Variants in AAGAB observed in about 807,000 individuals in gnomAD.
AAGAB encodes the protein alpha and gamma adaptin binding protein.
Under a neutral mutation model 44.1 loss-of-function variants are expected in AAGAB, and 38 were observed. The ratio of observed to expected loss-of-function variants is 0.86; its 90% CI spans 0.67 to 1.13. The LOEUF (loss-of-function observed/expected upper bound fraction) is 1.13. AAGAB is among the 50% of genes most tolerant of loss of function. The pLI, the probability that AAGAB is intolerant of heterozygous loss-of-function variation, is 0.00. For synonymous variants in AAGAB, 131 were observed against 131.8 expected (o/e 0.99, Z 0.04); for missense variants, 450 against 373.8 (o/e 1.20, Z -1.68).
chr15:67,249,914 G>A (rs1252341605), intron 1 of AAGAB, among the ~76,000 whole-genome samples: 1 of 152,188 alleles, frequency 6.6e-6, no homozygotes, highest in Non-Finnish European at 1.5e-5. Context: ...TTTGGGAAGA[G>A]TACAGATATA....
At position 67,202,867 on chromosome 15, in the gene AAGAB, C is replaced by G; in HGVS notation, c.902G>C (p.Gly301Ala). 6.2e-7 allele frequency: 1 copy of G among 1,614,054 alleles called. No homozygotes were observed. The highest frequency in any genetic ancestry group is 8.5e-7 in the Non-Finnish European group (1 of 1,179,952). The change falls in exon 10 of 10, where the codon GGA (glycine) becomes GCA (alanine). Residue 301 changes from glycine to alanine, a missense_variant. Transcript: ENST00000261880. The part of the protein sequence containing the change: ...VAKAFWMAIG[G>A]DRDEIEGLSS... ...AAGGCCTTCAATTTCATCTCTGTCT[C>G]CCCCGATTGCCATCCAGAATGCTTT...
intron 5 of AAGAB, among the ~76,000 whole-genome samples, chr15:67,218,456 A>C (rs961311254): frequency 7.9e-5 from 12 of 152,198 alleles, no homozygotes; most frequent in African/African-American, 2.9e-4. Context: ...ACAAACAAAC[A>C]AACAAACAAA....
In AAGAB at chr15:67,204,146, G is replaced by C; in HGVS notation, c.718C>G (p.Pro240Ala). Residue 240 changes from proline to alanine, a missense_variant and splice_region_variant, in exon 8 of 10, where the codon CCC (proline) becomes GCC (alanine). Transcript: ENST00000261880. ...TCTTGAATATCCAGATCTAACATGGGATCTGAAATAGGGATTTGTCACATT... is the reference window on the plus strand; with the variant it reads ...TCTTGAATATCCAGATCTAACATGGCATCTGAAATAGGGATTTGTCACATT... ...TDAQVDSIVD[P>A]MLDLDIQELA... The C allele has an allele frequency of 6.3e-7, 1 of 1,591,394 alleles. No homozygotes were observed. Among genetic ancestry groups the C allele is most frequent in the East Asian group, 2.2e-5 (1 of 44,764 alleles).
Position 67,254,649 on chromosome 15 carries a change from G to T in AAGAB, c.-18C>A, listed in dbSNP as rs778385934. On this transcript the variant is annotated 5_prime_UTR_variant, in exon 1 of 10. Transcript: ENST00000261880. ...GCAGCCATAGCTGCGCTCGCGAGCC[G>T]GTTCCGTCAGGCAGCCGCTTCCGCC... The T allele has an allele frequency of 3.1e-6, 5 of 1,598,896 alleles. No homozygotes were observed. Among genetic ancestry groups the T allele is most frequent in the East Asian group, 4.5e-5 (2 of 44,312 alleles).
intron 5 of AAGAB, chr15:67,220,437 C>G (rs988190672): frequency 1.3e-5 from 2 of 152,220 alleles, no homozygotes; most frequent in African/African-American, 4.8e-5. Flanking sequence ...AAACATATAA[C>G]AGTCTTAATC....
chr15:67,203,408 T>C, intron 9 of AAGAB, 140 bp downstream of exon 9: 1 of 760,002 alleles, frequency 1.3e-6, no homozygotes, highest in South Asian at 2.0e-5. Flanking sequence ...ACTGTATAAA[T>C]ATTTAATTAG....
chr15:67,218,143 G>C (rs1226407616), intron 5 of AAGAB, among the ~76,000 whole-genome samples: 1 of 152,152 alleles, frequency 6.6e-6, no homozygotes, highest in Non-Finnish European at 1.5e-5. Context: ...TTACCACTGG[G>C]GGATCAAAGT....
chr15:67,254,587 G>A lies in AAGAB; in HGVS notation c.45C>T (p.Ser15=), dbSNP rs777168127. 6 of 1,610,018 alleles carry A rather than the reference G, an allele frequency of 3.7e-6. No individual in the cohort carries two copies. The highest frequency in any genetic ancestry group is 1.7e-5 in the Admixed American group (1 of 59,772). ...VPCALVTSCS[S]VFSGDQLVQH... Reference sequence around the variant, plus strand: ...GGACCAGCTGGTCTCCTGAGAAGACGGAGGAGCAGCTGGTGACTAACGCAC... The same window carrying A: ...GGACCAGCTGGTCTCCTGAGAAGACAGAGGAGCAGCTGGTGACTAACGCAC... The change falls in exon 1 of 10, where the codon TCC becomes TCT. Residue 15 remains serine, a synonymous_variant. Transcript: ENST00000261880.
At chr15:67,246,927 C>T (rs561959909) in intron 1 of AAGAB, among the ~76,000 whole-genome samples, 109 of 152,310 alleles carry the variant, frequency 7.2e-4, no homozygotes, top group African/African-American at 2.5e-3. Context: ...GCAACCCGTT[C>T]GGGTCCCCTT....
intron 7 of AAGAB, among the ~76,000 whole-genome samples, chr15:67,205,893 A>T (rs1212961455): frequency 2.2e-5 from 1 of 46,344 alleles, no homozygotes; most frequent in Non-Finnish European, 6.5e-5. Context: ...ATTTACTCTT[A>T]AAAAAAAACT....
chr15:67,232,576 T>C (rs1964366077), intron 4 of AAGAB: 1 of 416,572 alleles, frequency 2.4e-6, no homozygotes, highest in Non-Finnish European at 4.9e-6. Flanking sequence ...CGGGAAAAAG[T>C]AGCCAAAATG....
chr15:67,250,246 G>A lies in AAGAB; in HGVS notation c.73+4313C>T, dbSNP rs1482087771. Among the ~76,000 whole-genome samples the A allele has an allele frequency of 2.6e-5, 4 of 151,960 alleles. No homozygotes were observed. In the East Asian group the frequency reaches 5.8e-4, roughly 22 times the overall value. ...GGGTGGTGTGCAGTGGCATGATCTC[G>A]GCTCACTGCAACCTCTGCCTGCTGG... On this transcript the variant is annotated intron_variant, in intron 1 of 9. Coordinates refer to ENST00000261880, the MANE Select transcript of AAGAB (RefSeq NM_024666.5).
At chr15:67,246,896 T>C (rs1964739055) in intron 1 of AAGAB, among the ~76,000 whole-genome samples, 1 of 152,252 alleles carries the variant, frequency 6.6e-6, no homozygotes, top group East Asian at 1.9e-4. Context: ...GAATAAAAGC[T>C]GGCCACCCAA....
rs796988583 is a variant in AAGAB, at chr15:67,253,275, G to T, written c.73+1284C>A. ...CCCCGTATGACGGGGGGGGGGGGGG[G>T]CAATTAGCCGGGCGTGGTGGCACAC... On this transcript the variant is annotated intron_variant, in intron 1 of 9. Transcript: ENST00000261880. Among the ~76,000 whole-genome samples, 38 of 105,964 alleles carry T rather than the reference G, an allele frequency of 3.6e-4. No homozygotes were observed. The East Asian group carries it at 0.01, about 29-fold the overall frequency. 69.5% of individuals were successfully genotyped at this position (105,964 alleles called of 152,430 possible). A position where few individuals can be genotyped will look rare whatever the true frequency, so the allele number is the denominator to read the frequency against.
chr15:67,217,841 A>G (rs1464892824), intron 5 of AAGAB, among the ~76,000 whole-genome samples: 2 of 152,168 alleles, frequency 1.3e-5, no homozygotes, highest in Non-Finnish European at 2.9e-5. Flanking sequence ...CAGCAGGTAC[A>G]CATTTCTTAG....
intron 5 of AAGAB, among the ~76,000 whole-genome samples, chr15:67,214,271 A>G (rs575733910): frequency 5.3e-5 from 8 of 152,366 alleles, no homozygotes; most frequent in Admixed American, 5.2e-4. Flanking sequence ...ATAACTCAGG[A>G]CTGAATAATT....
chr15:67,211,745 C>T (rs1466340551), intron 5 of AAGAB, among the ~76,000 whole-genome samples: 4 of 152,246 alleles, frequency 2.6e-5, no homozygotes, highest in Non-Finnish European at 5.9e-5. Context: ...TCTCCATATT[C>T]TAATTCCACA....
chr15:67,216,071 T>A (rs1321869142), intron 5 of AAGAB, among the ~76,000 whole-genome samples: 1 of 152,102 alleles, frequency 6.6e-6, no homozygotes, highest in Non-Finnish European at 1.5e-5. Context: ...CAGAAAATAA[T>A]AATACTATTT....
At chr15:67,222,230 A>ACGCGCGCGCGCGCG (rs372896757) in intron 5 of AAGAB, among the ~76,000 whole-genome samples, 4 of 133,772 alleles carry the variant, frequency 3.0e-5, no homozygotes, top group African/African-American at 1.2e-4. Flanking sequence ...ATGCACGCGC[A>ACGCGCGCGCGCGCG]CGCGCGCGCG....
Sources: gnomAD v4.1 joint callset for allele counts (sites outside exome capture counted in the v4.1 genomes callset) on GRCh38, gnomAD v4.1.1 for gene constraint, MANE v1.5 for transcripts, NCBI Gene and HGNC (gene_info 2026-07-23, HGNC 2026-07-21) for gene names.